The following RBM33 variants were observed in gnomAD, a reference collection of about 807,000 sequenced individuals.
RBM33 encodes the protein RNA-binding protein 33.
Under a neutral mutation model 132.6 loss-of-function variants are expected in RBM33, and 28 were observed. That is an observed-to-expected ratio of 0.21 (90% CI 0.16 to 0.29). The LOEUF (loss-of-function observed/expected upper bound fraction) is 0.29, where lower values mean the gene tolerates loss of function less well. RBM33 is among the 10% of genes least tolerant of loss of function. The pLI is 1.00. For synonymous variants in RBM33, 634 were observed against 593.0 expected (o/e 1.07, Z -1.01); for missense variants, 1,291 against 1,518.5 (o/e 0.85, Z 2.49).
intron 8 of RBM33, among the ~76,000 whole-genome samples, chr7:155,712,153 G>A (rs1354234193): frequency 6.6e-6 from 1 of 152,242 alleles, no homozygotes; most frequent in Non-Finnish European, 1.5e-5. Flanking sequence ...GATGTTTGCA[G>A]TGGTGAGTGT....
intron 9 of RBM33, among the ~76,000 whole-genome samples, chr7:155,731,419 A>G (rs1393715237): frequency 1.3e-5 from 2 of 152,242 alleles, no homozygotes; most frequent in Non-Finnish European, 1.5e-5. Flanking sequence ...AGCTAATCAT[A>G]CAATAAAACA....
chr7:155,661,096 TG>T (rs1274863379), intron 1 of RBM33, among the ~76,000 whole-genome samples: 43 of 121,708 alleles, frequency 3.5e-4, no homozygotes, highest in Middle Eastern at 3.8e-3. Context: ...TGTGTGTGTG[TG>T]GTGTGTGTGT....
intron 8 of RBM33, among the ~76,000 whole-genome samples, chr7:155,715,415 A>G (rs1800433245): frequency 6.6e-6 from 1 of 152,192 alleles, no homozygotes; most frequent in Non-Finnish European, 1.5e-5. Context: ...TTAGAAATAT[A>G]GGGTGGTAAA....
At chr7:155,654,070 G>T (rs1309693374) in intron 1 of RBM33, among the ~76,000 whole-genome samples, 1 of 152,180 alleles carries the variant, frequency 6.6e-6, no homozygotes, top group East Asian at 1.9e-4. Flanking sequence ...ATGGCTGAGT[G>T]AAGTGTAATA....
intron 16 of RBM33, among the ~76,000 whole-genome samples, chr7:155,768,294 G>A (rs753518864): frequency 1.3e-5 from 2 of 152,308 alleles, no homozygotes; most frequent in Non-Finnish European, 2.9e-5. Flanking sequence ...AATATGCTTG[G>A]AGTCATTGCC....
At chr7:155,717,453 T>C (rs1800496200) in intron 8 of RBM33, among the ~76,000 whole-genome samples, 1 of 141,490 alleles carries the variant, frequency 7.1e-6, no homozygotes, top group Admixed American at 7.8e-5. Flanking sequence ...TTACCTCTTT[T>C]AAAGACCTAA....
chr7:155,736,482 A>C (rs747565893), intron 9 of RBM33, among the ~76,000 whole-genome samples: 3 of 152,224 alleles, frequency 2.0e-5, no homozygotes, highest in Non-Finnish European at 4.4e-5. Context: ...ACGGTGGTTT[A>C]AAAAAATCTC....
intron 5 of RBM33, among the ~76,000 whole-genome samples, chr7:155,698,029 A>C (rs1262495514): frequency 6.6e-6 from 1 of 152,208 alleles, no homozygotes; most frequent in Non-Finnish European, 1.5e-5. Flanking sequence ...ACTACCCATC[A>C]GTGGAATGTA....
chr7:155,656,159 G>A (rs1798485506), intron 1 of RBM33, among the ~76,000 whole-genome samples: 1 of 152,214 alleles, frequency 6.6e-6, no homozygotes, highest in Admixed American at 6.5e-5. Flanking sequence ...GATATTGTGA[G>A]CTTGAAAACT....
chr7:155,660,012 A>T (rs1281091799), intron 1 of RBM33, among the ~76,000 whole-genome samples: 1 of 152,194 alleles, frequency 6.6e-6, no homozygotes, highest in East Asian at 1.9e-4. Flanking sequence ...TCGTCATTGA[A>T]TTTAGTGCCC....
In RBM33 at chr7:155,688,062, T is replaced by G. The variant is rs921172705; in HGVS notation, c.567+7154T>G. Among the ~76,000 whole-genome samples, 3 of 152,336 alleles carry G rather than the reference T, an allele frequency of 2.0e-5. No individual in the cohort carries two copies. The East Asian group carries it at 5.8e-4, about 29-fold the overall frequency. On this transcript the variant is annotated intron_variant, in intron 5 of 17. Transcript: ENST00000401878. ...ATGGCATTGAATCTATAAATTACCT[T>G]GGACAGTATGGCCATTTTCACGATA...
chr7:155,708,877 T>G (rs1800194667), intron 7 of RBM33, among the ~76,000 whole-genome samples: 1 of 152,120 alleles, frequency 6.6e-6, no homozygotes, highest in Non-Finnish European at 1.5e-5. Flanking sequence ...CCCCAAAGTT[T>G]TGGAAAGAAT....
intron 5 of RBM33, among the ~76,000 whole-genome samples, chr7:155,683,251 G>T (rs977893488): frequency 1.3e-5 from 2 of 152,166 alleles, no homozygotes; most frequent in Non-Finnish European, 2.9e-5. Context: ...AAATTGTGAG[G>T]TACTCTTATC....
chr7:155,703,826 C>A (rs960201414), intron 6 of RBM33, among the ~76,000 whole-genome samples: 16 of 152,122 alleles, frequency 1.1e-4, no homozygotes, highest in Admixed American at 3.3e-4. Flanking sequence ...AATAAAAAAA[C>A]CTGAACAGTC....
intron 5 of RBM33, among the ~76,000 whole-genome samples, chr7:155,682,960 T>C (rs577442594): frequency 6.6e-6 from 1 of 152,114 alleles, no homozygotes; most frequent in Non-Finnish European, 1.5e-5. Flanking sequence ...CTCACGGTAC[T>C]CTTCCACATT....
rs1802595056 is a variant in RBM33 at position 155,776,008 on chromosome 7, A to G, written c.*967A>G. On this transcript the variant is annotated 3_prime_UTR_variant, in exon 18 of 18. Transcript: ENST00000401878. This position sits in a 1 kb window ranked among gnomAD's most constrained non-coding sequence, Gnocchi z 4.0. ...GCAGGGCTGCCCTGTTCATCAGCGG[A>G]TGTTCACTCTGGCCTGCCGTTCCCC... 2 of 152,188 alleles carry G rather than the reference A, an allele frequency of 1.3e-5. No individual in the cohort carries two copies. The highest frequency in any genetic ancestry group is 2.9e-5 in the Non-Finnish European group (2 of 68,026). The allele number at this position is 152,188 out of a possible 1,614,324, so 9.4% of individuals were successfully genotyped here. A position where few individuals can be genotyped will look rare whatever the true frequency, so the allele number is the denominator to read the frequency against.
intron 2 of RBM33, among the ~76,000 whole-genome samples, chr7:155,670,674 C>T (rs12534157): frequency 0.6 from 91,619 of 152,006 alleles, 29,706 homozygotes; most frequent in South Asian, 0.77. Flanking sequence ...ATGAAAAGCT[C>T]GTGTGTGTGG....
intron 14 of RBM33, among the ~76,000 whole-genome samples, chr7:155,758,758 C>T (rs1364600556): frequency 6.6e-6 from 1 of 152,196 alleles, no homozygotes; most frequent in Non-Finnish European, 1.5e-5. Context: ...TCACAAGACT[C>T]TGAAGCACCC....
At chr7:155,759,887 C>T (rs890451928) in intron 14 of RBM33, among the ~76,000 whole-genome samples, 1 of 152,214 alleles carries the variant, frequency 6.6e-6, no homozygotes, top group South Asian at 2.1e-4. Flanking sequence ...TGCTGTCCGT[C>T]ATGTTCTGTG....
Sources: gnomAD v4.1 joint callset for allele counts (sites outside exome capture counted in the v4.1 genomes callset) on GRCh38, gnomAD v4.1.1 for gene constraint, Gnocchi (gnomAD v3.1) non-coding constraint, MANE v1.5 for transcripts, NCBI Gene and HGNC (gene_info 2026-07-23, HGNC 2026-07-21) for gene names.